The following GPCPD1 variants were observed in gnomAD, a reference collection of about 807,000 sequenced individuals.
The protein encoded by GPCPD1 is glycerophosphocholine phosphodiesterase GPCPD1.
In GPCPD1, 29 loss-of-function variants were observed where a neutral mutation model predicts 89.2. That is an observed-to-expected ratio of 0.33 (90% CI 0.24 to 0.44). The LOEUF (loss-of-function observed/expected upper bound fraction) is 0.44. Ranked by LOEUF, GPCPD1 falls within the 20% of genes least tolerant of loss-of-function variation. The pLI is 1.00. For synonymous variants in GPCPD1, 258 were observed against 266.3 expected (o/e 0.97, Z 0.30); for missense variants, 594 against 808.9 (o/e 0.73, Z 3.22).
At chr20:5,582,212 A>C (rs898951024) in intron 6 of GPCPD1, among the ~76,000 whole-genome samples, 1 of 147,218 alleles carries the variant, frequency 6.8e-6, no homozygotes, top group Non-Finnish European at 1.5e-5. Flanking sequence ...AAAAAAAAAA[A>C]AAAAAAACTA....
At chr20:5,582,637 C>T (rs1314425332) in intron 6 of GPCPD1, among the ~76,000 whole-genome samples, 2 of 152,106 alleles carry the variant, frequency 1.3e-5, no homozygotes, top group African/African-American at 2.4e-5. Context: ...GCCTGTAATC[C>T]CAACACTTTG....
chr20:5,588,796 G>C (rs1172097081), intron 4 of GPCPD1, among the ~76,000 whole-genome samples: 1 of 151,980 alleles, frequency 6.6e-6, no homozygotes, highest in Non-Finnish European at 1.5e-5. Context: ...CTGCACTCCA[G>C]CCTGGGCGAT....
At chr20:5,561,088 T>C (rs1404631775) in intron 16 of GPCPD1, among the ~76,000 whole-genome samples, 1 of 152,240 alleles carries the variant, frequency 6.6e-6, no homozygotes, top group African/African-American at 2.4e-5. Context: ...TAATTATTAC[T>C]AGCTACTGTT....
intron 3 of GPCPD1, among the ~76,000 whole-genome samples, chr20:5,594,505 G>C (rs960889642): frequency 1.3e-5 from 2 of 151,958 alleles, no homozygotes; most frequent in Admixed American, 1.3e-4. Context: ...CATTAGCCAG[G>C]ATGGTTTCGA....
intron 6 of GPCPD1, among the ~76,000 whole-genome samples, chr20:5,580,442 C>T (rs1324216613): frequency 6.6e-6 from 1 of 152,002 alleles, no homozygotes; most frequent in African/African-American, 2.4e-5. Context: ...TGAAAATAGG[C>T]CGGGCGGGCA....
intron 2 of GPCPD1, 98 bp from the exon 3 acceptor site, chr20:5,598,919 C>A: frequency 1.3e-6 from 1 of 761,374 alleles, no homozygotes; most frequent in Non-Finnish European, 2.3e-6. Flanking sequence ...TATGCTGCCC[C>A]CTTTAGCAGA....
intron 4 of GPCPD1, 42 bp downstream of exon 4, chr20:5,593,285 G>A: frequency 1.0e-6 from 1 of 963,736 alleles, no homozygotes. Context: ...TGCTTTTGAA[G>A]GAAGTGCTAA....
chr20:5,598,219 C>T (rs1432899641), intron 3 of GPCPD1, among the ~76,000 whole-genome samples: 1 of 151,942 alleles, frequency 6.6e-6, no homozygotes, highest in African/African-American at 2.4e-5. Context: ...GTAATGCCAT[C>T]TCCACACCAA....
intron 7 of GPCPD1, 46 bp from the exon 8 acceptor site, chr20:5,578,657 A>G: frequency 1.7e-6 from 2 of 1,178,426 alleles, no homozygotes; most frequent in Non-Finnish European, 2.5e-6. Context: ...GGCAGAAAAG[A>G]AAAACTCATA....
At position 5,601,530 on chromosome 20, in the gene GPCPD1, G is replaced by A. The variant is rs548232527; in HGVS notation, c.50-2709C>T. 4.6e-5 allele frequency among the ~76,000 whole-genome samples: 7 copies of A among 151,854 alleles called. No individual in the cohort carries two copies. The East Asian group carries it at 5.8e-4, about 13-fold the overall frequency. ...ACTACAGGCACGCACCATCATGCCC[G>A]GCTAATTTTTGTATTTTTAGTAGAG... is the stretch of plus-strand genomic sequence containing the variant. On this transcript the variant is annotated intron_variant, in intron 2 of 19. Transcript: ENST00000379019.
At chr20:5,586,019 G>T in intron 5 of GPCPD1, 175 bp downstream of exon 5, 1 of 429,680 alleles carries the variant, frequency 2.3e-6, no homozygotes, top group Non-Finnish European at 4.2e-6. Context: ...ATTTTAAGAG[G>T]CAATTAAAAA....
intron 8 of GPCPD1, among the ~76,000 whole-genome samples, chr20:5,576,357 C>T (rs1978288742): frequency 6.8e-6 from 1 of 146,854 alleles, no homozygotes; most frequent in Non-Finnish European, 1.5e-5. Context: ...GAGGTGGAGG[C>T]TGTGGTAAGC....
intron 14 of GPCPD1, 151 bp from the exon 15 acceptor site, chr20:5,565,229 T>A: frequency 2.9e-6 from 1 of 347,932 alleles, no homozygotes; most frequent in Non-Finnish European, 5.1e-6. Flanking sequence ...TGAGATCCCT[T>A]TTTTTTTTTT....
chr20:5,583,791 A>G (rs6053516), intron 6 of GPCPD1, among the ~76,000 whole-genome samples: 21,648 of 152,234 alleles, frequency 0.14, 1,725 homozygotes, highest in South Asian at 0.19. Context: ...TTAGATATTT[A>G]GAAACATTAA....
intron 1 of GPCPD1, among the ~76,000 whole-genome samples, chr20:5,604,983 GTT>G (rs1331314416): frequency 6.6e-6 from 1 of 151,586 alleles, no homozygotes; most frequent in Admixed American, 6.6e-5. Flanking sequence ...TCTCAATAAA[GTT>G]TTTTTAAAAA....
In GPCPD1 at chr20:5,575,505, A is replaced by G; in HGVS notation, c.909T>C (p.Cys303=). ...IIIKPLPGYS[C]DMKSSFSKYW... is the part of the protein sequence containing the mutation. ...ACTTGGAAAATGAAGATTTCATGTC[A>G]CAACTGTATCCTGGTAATGGCTTAA... Residue 303 remains cysteine, a synonymous_variant, in exon 10 of 20, where the codon TGT becomes TGC. Coordinates refer to ENST00000379019, the MANE Select transcript of GPCPD1 (RefSeq NM_019593.5). The G allele has an allele frequency of 6.3e-7, 1 of 1,588,442 alleles. No individual in the cohort carries two copies.
chr20:5,604,489 G>T, intron 1 of GPCPD1, 49 bp from the exon 2 acceptor site: 1 of 807,244 alleles, frequency 1.2e-6, no homozygotes, highest in Non-Finnish European at 2.1e-6. Context: ...ATATGCCTTA[G>T]CTAGCCACCA....
At chr20:5,603,601 C>T (rs938444672) in intron 2 of GPCPD1, among the ~76,000 whole-genome samples, 2 of 152,022 alleles carry the variant, frequency 1.3e-5, no homozygotes, top group African/African-American at 4.8e-5. Context: ...TTATGAGAGC[C>T]CAGGTGTGAT....
At chr20:5,610,218 G>A (rs1160851875) in intron 1 of GPCPD1, among the ~76,000 whole-genome samples, 1 of 152,200 alleles carries the variant, frequency 6.6e-6, no homozygotes, top group African/African-American at 2.4e-5. Flanking sequence ...TTTGGGAAAA[G>A]TAGAGCTTTG....
Sources: allele counts gnomAD v4.1 joint callset (sites outside exome capture counted in the v4.1 genomes callset), GRCh38; gene constraint gnomAD v4.1.1; transcripts MANE v1.5; gene names NCBI Gene and HGNC (gene_info 2026-07-23, HGNC 2026-07-21).